Variants in KANSL2 observed in about 807,000 individuals in gnomAD.
The protein encoded by KANSL2 is NSL complex protein NSL2.
A neutral mutation model predicts 55.6 loss-of-function variants in KANSL2; 34 were observed. The observed-to-expected ratio is 0.61, with a 90% CI of 0.46 to 0.81. The LOEUF (loss-of-function observed/expected upper bound fraction) is 0.81. KANSL2 is among the 40% of genes least tolerant of loss of function. The pLI is 0.00. For synonymous variants in KANSL2, 209 were observed against 214.3 expected, an observed-to-expected ratio of 0.98 and a Z score of 0.22; for missense variants, 502 against 609.9, an observed-to-expected ratio of 0.82 and a Z score of 1.86.
At chr12:48,660,927 AG>A (rs1429370080) in intron 7 of KANSL2, among the ~76,000 whole-genome samples, 1 of 152,160 alleles carries the variant, frequency 6.6e-6, no homozygotes, top group Non-Finnish European at 1.5e-5. Flanking sequence ...TAACACTCCT[AG>A]GAACACACAC....
chr12:48,660,789 A>G (rs1018070298), intron 7 of KANSL2, among the ~76,000 whole-genome samples, 170 bp from the exon 8 acceptor site: 5 of 152,188 alleles, frequency 3.3e-5, no homozygotes, highest in Admixed American at 1.3e-4. Context: ...TACTTCTCAA[A>G]ATAAATGTCA....
chr12:48,681,992 C>T (rs1213615670), intron 1 of KANSL2, 195 bp downstream of exon 1: 1 of 702,918 alleles, frequency 1.4e-6, no homozygotes, highest in Non-Finnish European at 2.6e-6. Context: ...ACGACTGGGC[C>T]TGGCCTCGGA....
chr12:48,654,955 G>A lies in KANSL2; in HGVS notation c.1333C>T (p.Pro445Ser), dbSNP rs3741628. ...TCTTCACTTGCCAAAATATCCACTG[G>A]GTCTTCAGCAATTTCTTTGACTAAA... ...DHLVKEIAED[P>S]VDILGQMQMA... is the part of the protein sequence containing the mutation. Residue 445 changes from proline (P) to serine (S), a missense_variant, in exon 9 of 10, where the codon CCA (proline) becomes TCA (serine). Transcript: ENST00000420613. 1 of 1,568,616 alleles carries A rather than the reference G, an allele frequency of 6.4e-7. No homozygotes were observed. Among genetic ancestry groups the A allele is most frequent in the Non-Finnish European group, 8.6e-7 (1 of 1,156,458 alleles).
chr12:48,653,945 G>A lies in KANSL2; in HGVS notation c.*99C>T. On this transcript the variant is annotated 3_prime_UTR_variant, in exon 10 of 10. Transcript: ENST00000420613. Reference sequence around the variant, plus strand: ...ATACTCAATCCAGAAGAAAAACAAGGTAGTCTGGGTTGCCTGTGTTTTGTG... The same window carrying A: ...ATACTCAATCCAGAAGAAAAACAAGATAGTCTGGGTTGCCTGTGTTTTGTG... 2 of 1,258,736 alleles carry A rather than the reference G, an allele frequency of 1.6e-6. No individual in the cohort carries two copies. The highest frequency in any genetic ancestry group is 1.6e-5 in the South Asian group (1 of 61,552). 78.0% of individuals were successfully genotyped at this position (1,258,736 alleles called of 1,614,324 possible).
chr12:48,665,398 A>C (rs1939577451), intron 7 of KANSL2, among the ~76,000 whole-genome samples: 2 of 152,056 alleles, frequency 1.3e-5, no homozygotes, highest in Admixed American at 6.6e-5. Flanking sequence ...CCCCATCTCT[A>C]CTAAAAATAC....
chr12:48,671,608 C>T lies in KANSL2; in HGVS notation c.709+191G>A, dbSNP rs929431018. ...CCACAGTATTCAGTACAGTAACATG[C>T]TTGTACAGGTTTGCAGCCTAGGTAT... On this transcript the variant is annotated intron_variant, in intron 5 of 9. Transcript: ENST00000420613. Among the ~76,000 whole-genome samples, 4 of 152,312 alleles carry T rather than the reference C, an allele frequency of 2.6e-5. No individual in the cohort carries two copies. In the East Asian group the frequency reaches 5.8e-4, roughly 22 times the overall value.
intron 7 of KANSL2, chr12:48,661,195 CTT>C (rs34469425): frequency 1.3e-4 from 112 of 855,484 alleles, no homozygotes; most frequent in Non-Finnish European, 1.4e-4. Flanking sequence ...ATATACATGC[CTT>C]TTTTTTTTAG....
rs56147873 is a variant in KANSL2 at position 48,677,784 on chromosome 12, CAAAAA to C, written c.545+1247_545+1251del. On this transcript the variant is annotated intron_variant, in intron 4 of 9. Coordinates refer to ENST00000420613, the MANE Select transcript of KANSL2 (RefSeq NM_017822.4). The stretch of plus-strand genomic sequence containing the variant: ...TGGGTGACAGTGCAAGACTCCATCT[CAAAAA>C]AAAAAAAAAAAAAAAAAAAAAGGAA... Among the ~76,000 whole-genome samples, 232 of 47,646 alleles carry C rather than the reference CAAAAA, an allele frequency of 4.9e-3. 2 individuals are homozygous for C. The highest frequency in any genetic ancestry group is 0.048 in the Middle Eastern group (3 of 62). The allele number at this position is 47,646 out of a possible 152,430, so 31.3% of individuals were successfully genotyped here. A position where few individuals can be genotyped will look rare whatever the true frequency, so the allele number is the denominator to read the frequency against.
rs768081927 is a variant in KANSL2 at position 48,667,694 on chromosome 12, GGTAAGGCAGT to G, written c.962_971del (p.His321ProfsTer29). 1 of 1,608,708 alleles carries G rather than the reference GGTAAGGCAGT, an allele frequency of 6.2e-7. No individual in the cohort carries two copies. The highest frequency in any genetic ancestry group is 1.1e-5 in the South Asian group (1 of 90,948). ...TTAACAGGCAGAGTAAAAAGATACG[GGTAAGGCAGT>G]GTCTGGTCATTGGAAGAGACTGATT... On this transcript the variant is annotated frameshift_variant and splice_region_variant, in exon 7 of 10. Coordinates refer to ENST00000420613, the MANE Select transcript of KANSL2 (RefSeq NM_017822.4). LOFTEE classifies it high-confidence loss of function.
Position 48,682,216 on chromosome 12 carries a change from C to T in KANSL2, c.-39G>A, listed in dbSNP as rs1216043040. 5 of 647,800 alleles carry T rather than the reference C, an allele frequency of 7.7e-6. No individual in the cohort carries two copies. In the East Asian group the frequency reaches 8.2e-5, roughly 11 times the overall value. 40.1% of individuals were successfully genotyped at this position (647,800 alleles called of 1,614,324 possible). On this transcript the variant is annotated 5_prime_UTR_variant, in exon 1 of 10. Transcript: ENST00000420613. ...GGAGCTGCGCTGCGCCGCACTCTGC[C>T]GCGCCGCTCGCCCTTCTCTAGTGGC... is the stretch of plus-strand genomic sequence containing the variant.
Position 48,676,583 on chromosome 12 carries a change from G to A in KANSL2, c.545+2453C>T, listed in dbSNP as rs536191708. Among the ~76,000 whole-genome samples, 46 of 152,146 alleles carry A rather than the reference G, an allele frequency of 3.0e-4. 1 individual carries two copies. In the Middle Eastern group the frequency reaches 0.02, roughly 68 times the overall value. On this transcript the variant is annotated intron_variant, in intron 4 of 9. Coordinates refer to ENST00000420613, the MANE Select transcript of KANSL2 (RefSeq NM_017822.4). ...TGAGGCAGGAAAATCATTTGAACCC[G>A]GGAGGCGGAGGTTGCAGTGAGCTGA...
chr12:48,679,081 T>G lies in KANSL2; in HGVS notation c.500A>C (p.Asp167Ala), dbSNP rs772467766. Reference protein sequence around the residue: ...TVDQTWRGDPDSEADSIDSDQ... With the variant: ...TVDQTWRGDPASEADSIDSDQ... ...ACTGTCTATGCTATCAGCTTCACTG[T>G]CAGGGTCACCTCTCCATGTCTGATC... is the stretch of plus-strand genomic sequence containing the variant. Residue 167 changes from aspartate (D) to alanine (A), a missense_variant, in exon 4 of 10, where the codon GAC becomes GCC. Physicochemically the swap from Asp to Ala is moderately radical, Grantham distance 126. Transcript: ENST00000420613. The G allele has an allele frequency of 1.2e-6, 2 of 1,613,932 alleles. No individual in the cohort carries two copies. The highest frequency in any genetic ancestry group is 1.7e-6 in the Non-Finnish European group (2 of 1,179,852).
intron 7 of KANSL2, among the ~76,000 whole-genome samples, chr12:48,663,913 C>CGTT (rs1939536370): frequency 1.8e-5 from 2 of 112,550 alleles, no homozygotes; most frequent in African/African-American, 6.3e-5. Context: ...AACTATTAGC[C>CGTT]TTTTTTTTTT....
At chr12:48,674,668 G>A (rs185726359) in intron 4 of KANSL2, among the ~76,000 whole-genome samples, 2 of 152,166 alleles carry the variant, frequency 1.3e-5, no homozygotes, top group Non-Finnish European at 2.9e-5. Context: ...AACCAGCAAA[G>A]GGCCAGGTGT....
chr12:48,655,729 GTA>G (rs1472605274), intron 8 of KANSL2, among the ~76,000 whole-genome samples: 1 of 152,152 alleles, frequency 6.6e-6, no homozygotes, highest in East Asian at 1.9e-4. Context: ...GGTGATAGCT[GTA>G]CAACATGGTA....
At chr12:48,665,749 G>A (rs1401368488) in intron 7 of KANSL2, among the ~76,000 whole-genome samples, 4 of 152,148 alleles carry the variant, frequency 2.6e-5, no homozygotes, top group Admixed American at 2.6e-4. Context: ...AAGGCCCAAT[G>A]CCAAATGTAG....
chr12:48,669,834 G>A (rs1160871266), intron 5 of KANSL2, among the ~76,000 whole-genome samples: 4 of 151,992 alleles, frequency 2.6e-5, no homozygotes, highest in African/African-American at 9.7e-5. Flanking sequence ...TTATTGCCTA[G>A]TGACATCATA....
At chr12:48,657,437 TAAAATA>T (rs2137175466) in intron 8 of KANSL2, among the ~76,000 whole-genome samples, 1 of 151,758 alleles carries the variant, frequency 6.6e-6, no homozygotes, top group African/African-American at 2.4e-5. Context: ...AAAAAAATAA[TAAAATA>T]AAGCTGCTCA....
chr12:48,663,957 G>T (rs1190713272), intron 7 of KANSL2, among the ~76,000 whole-genome samples: 4 of 122,266 alleles, frequency 3.3e-5, no homozygotes, highest in Non-Finnish European at 4.8e-5. Flanking sequence ...TCACTCTGTC[G>T]CCCAGGCTGG....
Sources: allele counts gnomAD v4.1 joint callset (sites outside exome capture counted in the v4.1 genomes callset), GRCh38; gene constraint gnomAD v4.1.1; transcripts MANE v1.5; gene names NCBI Gene and HGNC (gene_info 2026-07-23, HGNC 2026-07-21).